The following UBR3 variants were observed in gnomAD, a reference collection of about 807,000 sequenced individuals.
UBR3 encodes the protein ubiquitin protein ligase E3 component n-recognin 3.
In UBR3, 85 loss-of-function variants were observed where a neutral mutation model predicts 243.2. The ratio of observed to expected loss-of-function variants is 0.35; its 90% CI spans 0.29 to 0.42. The LOEUF (loss-of-function observed/expected upper bound fraction) is 0.42. Among genes scored for constraint, UBR3 ranks in the 10% least tolerant of loss-of-function variants. UBR3 has a pLI of 1.00. For synonymous variants in UBR3, 748 were observed against 799.8 expected (o/e 0.94, Z 1.09); for missense variants, 1,686 against 2,300.8 (o/e 0.73, Z 5.47).
At chr2:169,974,996 C>T (rs1330257765) in intron 24 of UBR3, among the ~76,000 whole-genome samples, 1 of 152,140 alleles carries the variant, frequency 6.6e-6, no homozygotes, top group African/African-American at 2.4e-5. Flanking sequence ...GCCTGCACAA[C>T]ATGGCAAAAC....
intron 1 of UBR3, among the ~76,000 whole-genome samples, chr2:169,842,003 T>C (rs1266510418): frequency 6.6e-6 from 1 of 152,240 alleles, no homozygotes; most frequent in Non-Finnish European, 1.5e-5. Context: ...CTCCTGAGTC[T>C]GGTGGGGACG....
At chr2:170,055,738 C>G (rs1247512141) in intron 33 of UBR3, among the ~76,000 whole-genome samples, 154 bp downstream of exon 33, 1 of 152,148 alleles carries the variant, frequency 6.6e-6, no homozygotes, top group Non-Finnish European at 1.5e-5. Context: ...AAAATGTTTT[C>G]ACTAAACAAT....
chr2:169,846,219 T>C (rs772543620), intron 1 of UBR3, among the ~76,000 whole-genome samples: 3 of 152,212 alleles, frequency 2.0e-5, no homozygotes, highest in Non-Finnish European at 2.9e-5. Flanking sequence ...TTTTTGCTGC[T>C]TGTATTTTGG....
chr2:169,887,865 C>A (rs1044608663), intron 5 of UBR3, among the ~76,000 whole-genome samples: 1 of 151,618 alleles, frequency 6.6e-6, no homozygotes, highest in Non-Finnish European at 1.5e-5. Flanking sequence ...CAACCTCCCC[C>A]TCCCGGGTTC....
chr2:170,059,022 C>G lies in UBR3; in HGVS notation c.4786-2057C>G, dbSNP rs115075772. ...TTTAACCCACATACTTTTGCCACCTCCCCCTTAGGATTCTTCTTATCTCGA... is the reference window on the plus strand; with the variant it reads ...TTTAACCCACATACTTTTGCCACCTGCCCCTTAGGATTCTTCTTATCTCGA... On this transcript the variant is annotated intron_variant, in intron 33 of 38. Transcript: ENST00000272793. 8.2e-3 allele frequency among the ~76,000 whole-genome samples: 1,255 copies of G among 152,298 alleles called. 19 individuals are homozygous for G. Among genetic ancestry groups the G allele is most frequent in the African/African-American group, 0.029 (1,208 of 41,562 alleles).
rs750986905 is a variant in UBR3 at position 170,040,948 on chromosome 2, C to T, written c.4623C>T (p.Leu1541=). 8.1e-6 allele frequency: 13 copies of T among 1,613,294 alleles called. No individual in the cohort carries two copies. The East Asian group carries it at 2.5e-4, about 30-fold the overall frequency. ...ATCATGATGTAACATCCCTTTTGCTCATCCAGATCTTAATGATGCCACAAC... is the reference window on the plus strand; with the variant it reads ...ATCATGATGTAACATCCCTTTTGCTTATCCAGATCTTAATGATGCCACAAC... The part of the protein sequence containing the change: ...ILYHDVTSLL[L]IQILMMPQPL... Residue 1541 remains leucine (L), a synonymous_variant, in exon 32 of 39, where the codon CTC becomes CTT. Transcript: ENST00000272793.
At chr2:169,853,917 TC>T (rs1026825768) in intron 1 of UBR3, among the ~76,000 whole-genome samples, 3 of 152,144 alleles carry the variant, frequency 2.0e-5, no homozygotes, top group Non-Finnish European at 4.4e-5. Flanking sequence ...TCTTGGGACT[TC>T]CTTGGGCAAA....
In UBR3 at chr2:170,081,933, CT is replaced by C; in HGVS notation, c.*94del. The C allele has an allele frequency of 1.1e-6, 1 of 935,244 alleles. No homozygotes were observed. Among genetic ancestry groups the C allele is most frequent in the East Asian group, 2.8e-5 (1 of 35,116 alleles). 57.9% of individuals were successfully genotyped at this position (935,244 alleles called of 1,614,324 possible). On this transcript the variant is annotated 3_prime_UTR_variant, in exon 39 of 39. Coordinates refer to ENST00000272793, the MANE Select transcript of UBR3 (RefSeq NM_172070.4). ...TTTAACTTAATTTGGGGGATTAACA[CT>C]TTTGCTGAGGGAGAAAAAGAAAACA...
chr2:169,965,288 C>G lies in UBR3; in HGVS notation c.3634+6762C>G, dbSNP rs2087754532. 2.6e-5 allele frequency among the ~76,000 whole-genome samples: 4 copies of G among 152,104 alleles called. No homozygotes were observed. In the South Asian group the frequency reaches 8.3e-4, roughly 32 times the overall value. On this transcript the variant is annotated intron_variant, in intron 24 of 38. Transcript: ENST00000272793. ...CAGTACTGATACAATTTAACCTTAG[C>G]CAGATCCTCTCCCTCATTTGTCAAA... is the stretch of plus-strand genomic sequence containing the variant.
intron 24 of UBR3, chr2:169,964,996 A>T (rs759224001): frequency 4.4e-6 from 2 of 456,494 alleles, no homozygotes; most frequent in South Asian, 3.1e-5. Context: ...CGGGCATTTC[A>T]TTTGTTTATG....
chr2:169,891,043 T>C (rs1017761153), intron 5 of UBR3, 122 bp from the exon 6 acceptor site: 4 of 545,954 alleles, frequency 7.3e-6, no homozygotes, highest in African/African-American at 5.7e-5. Context: ...AATACATAGA[T>C]GTTGATTAGT....
intron 32 of UBR3, among the ~76,000 whole-genome samples, chr2:170,053,906 C>T (rs2091277781): frequency 6.6e-6 from 1 of 152,110 alleles, no homozygotes; most frequent in Non-Finnish European, 1.5e-5. Context: ...TGCTTATTAG[C>T]TTTGATATCA....
intron 22 of UBR3, 168 bp from the exon 23 acceptor site, chr2:169,949,437 T>C (rs2086919512): frequency 1.7e-6 from 1 of 595,490 alleles, no homozygotes; most frequent in East Asian, 3.0e-5. Flanking sequence ...GGATTAAATA[T>C]ATTTGAGAGA....
At position 169,836,023 on chromosome 2, in the gene UBR3, CTCTCTCTCTCTCTCTCTCTCTATA is replaced by C. The variant is rs1214005620; in HGVS notation, c.545+7973_545+7996del. Among the ~76,000 whole-genome samples, 158 of 29,050 alleles carry C rather than the reference CTCTCTCTCTCTCTCTCTCTCTATA, an allele frequency of 5.4e-3. 2 individuals are homozygous for C. Among genetic ancestry groups the C allele is most frequent in the Non-Finnish European group, 6.7e-3 (93 of 13,832 alleles). 19.1% of individuals were successfully genotyped at this position (29,050 alleles called of 152,430 possible). A position where few individuals can be genotyped will look rare whatever the true frequency, so the allele number is the denominator to read the frequency against. On this transcript the variant is annotated intron_variant, in intron 1 of 38. Transcript: ENST00000272793. ...TCTCTCTCTCTCTCTCTCTCTCTCT[CTCTCTCTCTCTCTCTCTCTCTATA>C]TATATATATATATATATATATTTTT...
At chr2:169,921,404 A>G (rs558642978) in intron 11 of UBR3, among the ~76,000 whole-genome samples, 3 of 152,348 alleles carry the variant, frequency 2.0e-5, no homozygotes, top group South Asian at 2.1e-4. Flanking sequence ...GACTCTCAGT[A>G]TATATAGGAA....
At chr2:169,857,693 C>T (rs1032769236) in intron 1 of UBR3, among the ~76,000 whole-genome samples, 1 of 151,936 alleles carries the variant, frequency 6.6e-6, no homozygotes, top group African/African-American at 2.4e-5. Flanking sequence ...TCCCAAAGCG[C>T]TGGGATTACA....
intron 24 of UBR3, among the ~76,000 whole-genome samples, chr2:169,962,242 T>TA (rs199591894): frequency 2.0e-5 from 3 of 151,946 alleles, no homozygotes; most frequent in African/African-American, 4.8e-5. Context: ...TTTTTTTTCT[T>TA]AAAAATTTTT....
At chr2:169,984,997 C>A (rs529429884) in intron 24 of UBR3, among the ~76,000 whole-genome samples, 2 of 145,958 alleles carry the variant, frequency 1.4e-5, no homozygotes. Context: ...GTTTTCAAGT[C>A]GATTGTACCA....
intron 1 of UBR3, among the ~76,000 whole-genome samples, chr2:169,832,935 A>G (rs1001157808): frequency 9.7e-5 from 13 of 133,556 alleles, no homozygotes; most frequent in Admixed American, 1.5e-4. Flanking sequence ...CTCCATCTGG[A>G]AAAAAAAAAA....
Sources: allele counts gnomAD v4.1 joint callset (sites outside exome capture counted in the v4.1 genomes callset), GRCh38; gene constraint gnomAD v4.1.1; transcripts MANE v1.5; gene names NCBI Gene and HGNC (gene_info 2026-07-23, HGNC 2026-07-21).